MCCC1: variants seen among roughly 807,000 people sequenced by gnomAD.
MCCC1 encodes the protein methylcrotonoyl-CoA carboxylase subunit alpha, mitochondrial.
In MCCC1, 64 loss-of-function variants were observed where a neutral mutation model predicts 83.8. The observed-to-expected ratio is 0.76, with a 90% confidence interval of 0.62 to 0.94. The LOEUF is 0.94. Ranked by LOEUF, MCCC1 falls within the 40% of genes least tolerant of loss-of-function variation. The pLI is 0.00. For missense variants in MCCC1, 807 were observed against 904.7 expected (o/e 0.89, Z 1.39); for synonymous variants, 322 against 315.4 (o/e 1.02, Z -0.22).
At chr3:183,100,963 C>T (rs906185212), upstream of MCCC1, among the ~76,000 whole-genome samples, 18 of 152,362 alleles carry the variant, frequency 1.2e-4, no homozygotes, top group African/African-American at 4.3e-4. Context: ...TCCGGGTGGG[C>T]GTGGGCTTGG....
At position 183,064,348 on chromosome 3, in the gene MCCC1, T is replaced by G. The variant is rs1716079433; in HGVS notation, c.761+6651A>C. 6.6e-6 allele frequency among the ~76,000 whole-genome samples: 1 copy of G among 152,080 alleles called. No homozygotes were observed. The highest frequency in any genetic ancestry group is 2.4e-5 in the African/African-American group (1 of 41,414). Reference sequence around the variant, plus strand: ...ATATCGTAAATATTAAAATGATCATTGTTTTTAGTTGGTAGACATCGACAA... The same window carrying G: ...ATATCGTAAATATTAAAATGATCATGGTTTTTAGTTGGTAGACATCGACAA... On this transcript the variant is annotated intron_variant, in intron 7 of 18. Transcript: ENST00000265594. The surrounding 1 kb of genome is among the most constrained non-coding windows in gnomAD (Gnocchi z 4.5).
At chr3:183,043,404 T>G (rs969596885) in intron 10 of MCCC1, among the ~76,000 whole-genome samples, 1 of 152,240 alleles carries the variant, frequency 6.6e-6, no homozygotes, top group Admixed American at 6.5e-5. Context: ...TATGTGCCAT[T>G]TGAGTTCTCT....
intron 9 of MCCC1, among the ~76,000 whole-genome samples, chr3:183,048,479 A>G (rs946140458): frequency 3.3e-5 from 5 of 152,240 alleles, no homozygotes; most frequent in Non-Finnish European, 7.3e-5. Flanking sequence ...TCTTAATTTT[A>G]GAGCAAACTT....
At chr3:183,044,564 C>A (rs75922069) in intron 10 of MCCC1, among the ~76,000 whole-genome samples, 3,377 of 152,246 alleles carry the variant, frequency 0.022, 127 homozygotes, top group African/African-American at 0.078. Context: ...TCATTCCCAA[C>A]TCTGCCTTAG....
intron 3 of MCCC1, among the ~76,000 whole-genome samples, chr3:183,087,615 C>T (rs1463294189): frequency 6.6e-6 from 1 of 152,052 alleles, no homozygotes; most frequent in African/African-American, 2.4e-5. Flanking sequence ...GTGGCTCACG[C>T]CTGTAATCCC....
At chr3:183,077,493 T>C (rs1034196940) in intron 4 of MCCC1, among the ~76,000 whole-genome samples, 3 of 152,176 alleles carry the variant, frequency 2.0e-5, no homozygotes, top group Non-Finnish European at 4.4e-5. Flanking sequence ...AGCTAATATG[T>C]TGAACATCTT....
At chr3:183,090,998 A>G in intron 3 of MCCC1, 2 of 456,662 alleles carry the variant, frequency 4.4e-6, no homozygotes, top group South Asian at 1.5e-5. Context: ...AGGAACCTCA[A>G]TTTTATTTTC....
chr3:183,067,323 C>G (rs1481581256), intron 7 of MCCC1, among the ~76,000 whole-genome samples: 1 of 152,190 alleles, frequency 6.6e-6, no homozygotes, highest in Non-Finnish European at 1.5e-5. Context: ...AAACCCATGG[C>G]TGGGCTGGGC....
chr3:183,040,933 C>T (rs1714030156), intron 11 of MCCC1, among the ~76,000 whole-genome samples: 1 of 152,096 alleles, frequency 6.6e-6, no homozygotes, highest in African/African-American at 2.4e-5. Context: ...CCAAGGATGA[C>T]CTTGGACAAG....
At chr3:183,028,908 C>A (rs1263143714) in intron 14 of MCCC1, among the ~76,000 whole-genome samples, 6 of 152,202 alleles carry the variant, frequency 3.9e-5, no homozygotes, top group Non-Finnish European at 8.8e-5. Context: ...AGACCCTATG[C>A]CAGCAACAAG....
intron 13 of MCCC1, 44 bp downstream of exon 13, chr3:183,037,174 T>C (rs764639060): frequency 1.4e-5 from 22 of 1,587,806 alleles, no homozygotes; most frequent in Non-Finnish European, 1.7e-5. Context: ...CAATGATGAT[T>C]TGCAAAACTT....
rs1553853001 is a variant in MCCC1, at chr3:183,034,040, T to G, written c.1632A>C (p.Arg544Ser). The part of the protein sequence containing the change: ...FSPFSSSSGR[R>S]LNISYTRNMT... ...TGTTTCTGGTATACGAGATATTCAG[T>G]CTTCTTCCACTGCTAGACGAAAATG... Residue 544 changes from arginine to serine, a missense_variant, in exon 14 of 19, where the codon AGA (arginine) becomes AGC (serine). Arg to Ser is a moderately radical substitution (Grantham distance 110, BLOSUM62 -1). Transcript: ENST00000265594. 1.9e-6 allele frequency: 3 copies of G among 1,612,346 alleles called. No homozygotes were observed. The highest frequency in any genetic ancestry group is 2.5e-6 in the Non-Finnish European group (3 of 1,179,230).
At chr3:183,075,992 A>G (rs1341833458) in intron 4 of MCCC1, among the ~76,000 whole-genome samples, 1 of 152,188 alleles carries the variant, frequency 6.6e-6, no homozygotes, top group African/African-American at 2.4e-5. Context: ...TCAAACATCT[A>G]TACTAGGCAA....
In MCCC1 at chr3:183,086,821, T is replaced by C. The variant is rs1185869981; in HGVS notation, c.274-33A>G. Reference sequence around the variant, plus strand: ...AGAAACATCACATGCTTAAAAGACTTTGTGGCTAGTACATACTCATACACT... The same window carrying C: ...AGAAACATCACATGCTTAAAAGACTCTGTGGCTAGTACATACTCATACACT... On this transcript the variant is annotated intron_variant, in intron 3 of 18. Coordinates refer to ENST00000265594, the MANE Select transcript of MCCC1 (RefSeq NM_020166.5). 6 of 1,588,152 alleles carry C rather than the reference T, an allele frequency of 3.8e-6. No individual in the cohort carries two copies. In the Admixed American group the frequency reaches 6.8e-5, roughly 18 times the overall value.
At chr3:183,096,625 T>C (rs1718757872) in intron 1 of MCCC1, among the ~76,000 whole-genome samples, 1 of 152,214 alleles carries the variant, frequency 6.6e-6, no homozygotes, top group African/African-American at 2.4e-5. Context: ...TATGCGTCTA[T>C]ACACTCATTG....
intron 1 of MCCC1, among the ~76,000 whole-genome samples, chr3:183,111,592 G>A (rs561785013): frequency 9.8e-5 from 15 of 152,298 alleles, no homozygotes; most frequent in Admixed American, 2.6e-4. Flanking sequence ...GAGTCACCGC[G>A]TCCAGCCTTC....
intron 18 of MCCC1, chr3:183,016,117 C>A: frequency 6.2e-6 from 1 of 162,374 alleles, no homozygotes; most frequent in Non-Finnish European, 1.3e-5. Context: ...TTAGTAAAGA[C>A]GGGGTTTCAC....
chr3:183,049,096 G>A (rs1714761620), intron 9 of MCCC1, among the ~76,000 whole-genome samples: 1 of 152,074 alleles, frequency 6.6e-6, no homozygotes, highest in Non-Finnish European at 1.5e-5. Context: ...CAAAAGCAGT[G>A]CTTAGTGGGA....
chr3:183,017,582 C>T (rs2108432979), intron 17 of MCCC1: 1 of 515,998 alleles, frequency 1.9e-6, no homozygotes, highest in South Asian at 2.1e-5. Flanking sequence ...TGCCATCTGC[C>T]AAATGCACTG....
Sources: allele counts gnomAD v4.1 joint callset (sites outside exome capture counted in the v4.1 genomes callset), GRCh38; gene constraint gnomAD v4.1.1; non-coding constraint Gnocchi (gnomAD v3.1); transcripts MANE v1.5; gene names NCBI Gene and HGNC (gene_info 2026-07-23, HGNC 2026-07-21).